Variants in CNTN1 observed in about 807,000 individuals in gnomAD.
CNTN1 encodes the protein contactin-1.
In CNTN1, 38 loss-of-function variants were observed where a neutral mutation model predicts 126.4. The observed-to-expected ratio is 0.30, with a 90% CI of 0.23 to 0.39. The LOEUF (loss-of-function observed/expected upper bound fraction) is 0.39. Among genes scored for constraint, CNTN1 ranks in the 10% least tolerant of loss-of-function variants. The pLI is 1.00. For synonymous variants in CNTN1, 413 were observed against 422.6 expected, an observed-to-expected ratio of 0.98 and a Z score of 0.28; for missense variants, 1,009 against 1,248.4, an observed-to-expected ratio of 0.81 and a Z score of 2.89.
chr12:40,939,230 TC>T (rs1946182363), intron 11 of CNTN1, 104 bp from the exon 12 acceptor site: 1 of 1,223,222 alleles, frequency 8.2e-7, no homozygotes, highest in Admixed American at 2.0e-5. Context: ...CCGAGATTAA[TC>T]CTTTCCATTA....
At chr12:40,899,710 A>G (rs1424271566) in intron 1 of CNTN1, among the ~76,000 whole-genome samples, 1 of 152,174 alleles carries the variant, frequency 6.6e-6, no homozygotes, top group Non-Finnish European at 1.5e-5. Context: ...GTATGCCTAC[A>G]AATTTCCCGG....
intron 5 of CNTN1, 129 bp downstream of exon 5, chr12:40,922,557 T>A: frequency 1.3e-6 from 1 of 797,312 alleles, no homozygotes; most frequent in South Asian, 1.4e-5. Flanking sequence ...GAGTGGACCC[T>A]AATTGTGTAA....
At chr12:40,848,229 G>A (rs1035146401) in intron 1 of CNTN1, among the ~76,000 whole-genome samples, 1 of 152,102 alleles carries the variant, frequency 6.6e-6, no homozygotes, top group African/African-American at 2.4e-5. Flanking sequence ...TTCATATAAG[G>A]ATTCATGTAT....
Position 40,711,991 on chromosome 12 carries a change from A to G in CNTN1, c.-77+19399A>G, listed in dbSNP as rs187420477. ...TGTCTCAGTTTCCCAAAGTGTTGGT[A>G]TTACAGGAGTGAGCCAATGTGCCCA... On this transcript the variant is annotated intron_variant, in intron 1 of 23. Transcript: ENST00000551295. Among the ~76,000 whole-genome samples the G allele has an allele frequency of 1.3e-3, 191 of 152,260 alleles. 5 individuals are homozygous for G. The highest frequency in any genetic ancestry group is 0.011 in the Admixed American group (175 of 15,280).
At chr12:41,053,428 A>ATATATATATAT (rs1949730499) in intron 23 of CNTN1, among the ~76,000 whole-genome samples, 23 of 64,108 alleles carry the variant, frequency 3.6e-4, no homozygotes, top group African/African-American at 1.7e-3. Flanking sequence ...GTTTTCACTA[A>ATATATATATAT]ATATATATAT....
chr12:41,023,592 G>A (rs1948973888), intron 20 of CNTN1, among the ~76,000 whole-genome samples: 1 of 152,186 alleles, frequency 6.6e-6, no homozygotes, highest in African/African-American at 2.4e-5. Flanking sequence ...TAACAAAAAT[G>A]AGTAAAATAG....
intron 15 of CNTN1, among the ~76,000 whole-genome samples, chr12:40,967,150 G>A (rs1054974380): frequency 1.3e-5 from 2 of 151,928 alleles, no homozygotes; most frequent in East Asian, 1.9e-4. Flanking sequence ...CTGGGCAGTA[G>A]AGCGAGACTC....
chr12:40,723,768 A>T (rs190939244), intron 1 of CNTN1, among the ~76,000 whole-genome samples: 1 of 152,328 alleles, frequency 6.6e-6, no homozygotes, highest in East Asian at 1.9e-4. Flanking sequence ...TCTGCTAGAT[A>T]TAGTGAAGTC....
intron 6 of CNTN1, among the ~76,000 whole-genome samples, chr12:40,925,849 T>G (rs1945661334): frequency 2.4e-5 from 1 of 41,408 alleles, no homozygotes; most frequent in African/African-American, 1.1e-4. Flanking sequence ...TGTGTGTATA[T>G]ATATATATAT....
At chr12:40,713,493 ATTTCTG>A in intron 1 of CNTN1, among the ~76,000 whole-genome samples, 1 of 151,412 alleles carries the variant, frequency 6.6e-6, no homozygotes, top group Non-Finnish European at 1.5e-5. Context: ...TTACTCAGTG[ATTTCTG>A]TTTCTTTATG....
At chr12:40,803,149 A>G (rs533408785) in intron 1 of CNTN1, among the ~76,000 whole-genome samples, 2 of 152,062 alleles carry the variant, frequency 1.3e-5, no homozygotes, top group Non-Finnish European at 2.9e-5. Context: ...TGTAAGCTGA[A>G]CCAATTGATG....
At chr12:40,848,818 C>A (rs1942610131) in intron 1 of CNTN1, among the ~76,000 whole-genome samples, 1 of 122,198 alleles carries the variant, frequency 8.2e-6, no homozygotes. Flanking sequence ...TCTAGGGCAC[C>A]AGGTGTGTTT....
intron 8 of CNTN1, 65 bp from the exon 9 acceptor site, chr12:40,933,632 T>G: frequency 6.5e-7 from 1 of 1,529,238 alleles, no homozygotes; most frequent in Non-Finnish European, 9.1e-7. Context: ...ATTGTTTAGC[T>G]ATAAACATAA....
chr12:40,857,858 TTG>T (rs1182535936), intron 1 of CNTN1, among the ~76,000 whole-genome samples: 1 of 152,088 alleles, frequency 6.6e-6, no homozygotes, highest in Non-Finnish European at 1.5e-5. Flanking sequence ...GCAAGTTCCT[TTG>T]TGTTTTGTTT....
intron 1 of CNTN1, among the ~76,000 whole-genome samples, chr12:40,872,074 G>A (rs184507918): frequency 6.6e-6 from 1 of 152,182 alleles, no homozygotes; most frequent in East Asian, 1.9e-4. Flanking sequence ...GTCATCTACT[G>A]TGAATCTTGA....
intron 1 of CNTN1, among the ~76,000 whole-genome samples, chr12:40,795,318 CA>C (rs1349616988): frequency 1.2e-4 from 1 of 8,584 alleles, no homozygotes; most frequent in African/African-American, 2.6e-4. Flanking sequence ...CACACACACA[CA>C]TTTTTTTTTT....
intron 14 of CNTN1, among the ~76,000 whole-genome samples, chr12:40,947,039 T>G (rs991604217): frequency 3.3e-5 from 5 of 152,046 alleles, no homozygotes; most frequent in Non-Finnish European, 5.9e-5. Context: ...TTTAAGAGTT[T>G]AATGGGAACA....
At chr12:40,962,744 GAA>G (rs1327047549) in intron 15 of CNTN1, among the ~76,000 whole-genome samples, 1 of 152,106 alleles carries the variant, frequency 6.6e-6, no homozygotes, top group Non-Finnish European at 1.5e-5. Flanking sequence ...GATGCTTGAG[GAA>G]AAGAGGCCAG....
intron 1 of CNTN1, among the ~76,000 whole-genome samples, chr12:40,749,141 T>C (rs2136394344): frequency 6.6e-6 from 1 of 152,248 alleles, no homozygotes; most frequent in Admixed American, 6.5e-5. Flanking sequence ...CCTGGAATTC[T>C]TTTTCATTTT....
Sources: gnomAD v4.1 joint callset for allele counts (sites outside exome capture counted in the v4.1 genomes callset) on GRCh38, gnomAD v4.1.1 for gene constraint, MANE v1.5 for transcripts, NCBI Gene and HGNC (gene_info 2026-07-23, HGNC 2026-07-21) for gene names.